ABCC8: variants seen among roughly 807,000 people sequenced by gnomAD.
The protein encoded by ABCC8 is ATP-binding cassette sub-family C member 8.
ABCC8 carries 137 observed loss-of-function variants against 188.0 expected under a neutral mutation model. That is an observed-to-expected ratio of 0.73 (90% CI 0.63 to 0.84). The LOEUF (loss-of-function observed/expected upper bound fraction) is 0.84, where lower values mean the gene tolerates loss of function less well. Ranked by LOEUF, ABCC8 falls within the 40% of genes least tolerant of loss-of-function variation. The pLI is 0.00. For missense variants in ABCC8, 1,750 were observed against 2,072.7 expected (o/e 0.84, Z 3.02); for synonymous variants, 797 against 846.5 (o/e 0.94, Z 1.01).
rs7933498 is a variant in ABCC8, at chr11:17,425,560, A to T, written c.2222+1489T>A. Among the ~76,000 whole-genome samples the T allele has an allele frequency of 5.9e-5, 9 of 151,970 alleles. 1 individual carries two copies. In the East Asian group the frequency reaches 7.7e-4, roughly 13 times the overall value. On this transcript the variant is annotated intron_variant, in intron 16 of 38. Coordinates refer to ENST00000389817, the MANE Select transcript of ABCC8 (RefSeq NM_000352.6). ...GATCCCTTTTTCCCTTGGCTACCAG[A>T]GGGCACAGAGCCAGGTTTTATGTTG...
At chr11:17,410,484 C>T (rs748729815) in intron 22 of ABCC8, 32 bp downstream of exon 22, 2 of 1,612,764 alleles carry the variant, frequency 1.2e-6, no homozygotes, top group Admixed American at 3.3e-5. Flanking sequence ...CAGCCCTGCC[C>T]CCTATAGCCT....
At chr11:17,415,223 CA>C in intron 18 of ABCC8, 80 bp downstream of exon 18, 1 of 1,551,626 alleles carries the variant, frequency 6.4e-7, no homozygotes, top group Non-Finnish European at 8.7e-7. Flanking sequence ...GGCTGCCCAG[CA>C]GGGTGATGTG....
chr11:17,414,054 A>G (rs1306548473), intron 19 of ABCC8, among the ~76,000 whole-genome samples: 1 of 152,126 alleles, frequency 6.6e-6, no homozygotes, highest in South Asian at 2.1e-4. Flanking sequence ...TCATCTGTAG[A>G]GTGGGAATAA....
At chr11:17,446,317 G>A (rs1208933012) in intron 8 of ABCC8, among the ~76,000 whole-genome samples, 2 of 152,092 alleles carry the variant, frequency 1.3e-5, no homozygotes, top group Non-Finnish European at 2.9e-5. Flanking sequence ...AAAGTGTCTT[G>A]TAGCCTTTTG....
At chr11:17,423,186 G>A (rs930747109) in intron 16 of ABCC8, among the ~76,000 whole-genome samples, 2 of 151,540 alleles carry the variant, frequency 1.3e-5, no homozygotes, top group African/African-American at 2.4e-5. Flanking sequence ...GTGAAACCCC[G>A]TCTCTACTAA....
In ABCC8 at chr11:17,463,583, A is replaced by G. The variant is rs1591896742; in HGVS notation, c.434T>C (p.Leu145Pro). ...LLIALLVYWT[L>P]AFITKTIKFV... ...CTTGATGGTCTTGGTGATGAAGGCCAGGGTCCAATACACCAGCAGGGCTGC... is the reference window on the plus strand; with the variant it reads ...CTTGATGGTCTTGGTGATGAAGGCCGGGGTCCAATACACCAGCAGGGCTGC... The change falls in exon 4 of 39, where the codon CTG becomes CCG. Residue 145 changes from leucine to proline, a missense_variant. Leu to Pro is a moderately conservative substitution (Grantham distance 98). Coordinates refer to ENST00000389817, the MANE Select transcript of ABCC8 (RefSeq NM_000352.6). 1 of 1,586,076 alleles carries G rather than the reference A, an allele frequency of 6.3e-7. No individual in the cohort carries two copies. Among genetic ancestry groups the G allele is most frequent in the Non-Finnish European group, 8.6e-7 (1 of 1,165,706 alleles).
Position 17,427,223 on chromosome 11 carries a change from C to G in ABCC8, c.2117-69G>C, listed in dbSNP as rs1955623451. On this transcript the variant is annotated intron_variant, in intron 15 of 38. Coordinates refer to ENST00000389817, the MANE Select transcript of ABCC8 (RefSeq NM_000352.6). This position sits in a 1 kb window ranked among gnomAD's most constrained non-coding sequence, Gnocchi z 5.0. ...TCTGAACAACCATTACCCAGAAAGA[C>G]AGACAGACAGATGCACCCAACCCTG... is the stretch of plus-strand genomic sequence containing the variant. 1.4e-6 allele frequency: 2 copies of G among 1,480,074 alleles called. No individual in the cohort carries two copies. Among genetic ancestry groups the G allele is most frequent in the Admixed American group, 4.4e-5 (2 of 45,702 alleles). 91.7% of individuals were successfully genotyped at this position (1,480,074 alleles called of 1,614,324 possible). A position where few individuals can be genotyped will look rare whatever the true frequency, so the allele number is the denominator to read the frequency against.
At chr11:17,463,029 G>A (rs1591894112) in intron 4 of ABCC8, among the ~76,000 whole-genome samples, 2 of 152,266 alleles carry the variant, frequency 1.3e-5, no homozygotes, top group Middle Eastern at 3.4e-3. Flanking sequence ...GGAAGAGAGA[G>A]GGAGGCGGGA....
chr11:17,407,419 G>A lies in ABCC8; in HGVS notation c.2855C>T (p.Pro952Leu). The change falls in exon 24 of 39, where the codon CCC (proline) becomes CTC (leucine). Residue 952 changes from proline (P) to leucine (L), a missense_variant. Transcript: ENST00000389817. ...GGACATGGCACGAGATAGGCCCTGG[G>A]GTGGCTCTGTGGCTTTTCTCTCTGT... is the stretch of plus-strand genomic sequence containing the variant. Reference protein sequence around the residue: ...TVTERKATEPPQGLSRAMSSR... With the variant: ...TVTERKATEPLQGLSRAMSSR... 1 of 1,614,120 alleles carries A rather than the reference G, an allele frequency of 6.2e-7. No individual in the cohort carries two copies. The highest frequency in any genetic ancestry group is 1.1e-5 in the South Asian group (1 of 91,070).
chr11:17,460,360 T>C (rs932139004), intron 6 of ABCC8, 128 bp downstream of exon 6: 11 of 1,427,460 alleles, frequency 7.7e-6, no homozygotes, highest in Non-Finnish European at 9.8e-6. Context: ...GATACTGCTA[T>C]GGGCTTTGCG....
chr11:17,470,251 T>C (rs1427886782), intron 2 of ABCC8, 29 bp from the exon 3 acceptor site: 2 of 1,613,590 alleles, frequency 1.2e-6, no homozygotes, highest in African/African-American at 1.3e-5. Flanking sequence ...ACAGACAGGA[T>C]GGGGACATGC....
chr11:17,433,738 A>G (rs1955954534), intron 10 of ABCC8, among the ~76,000 whole-genome samples: 1 of 152,218 alleles, frequency 6.6e-6, no homozygotes, highest in Non-Finnish European at 1.5e-5. Flanking sequence ...GGCTCCTGCA[A>G]TTGGAGAGGT....
downstream of ABCC8, chr11:17,392,725 A>C: frequency 5.8e-6 from 3 of 518,488 alleles, no homozygotes; most frequent in South Asian, 6.0e-5. Flanking sequence ...AGTCTGTGAT[A>C]TGTTGTTGTG....
At chr11:17,428,446 C>G (rs1401732543) in intron 13 of ABCC8, 41 bp from the exon 14 acceptor site, 1 of 1,607,114 alleles carries the variant, frequency 6.2e-7, no homozygotes, top group African/African-American at 1.3e-5. Context: ...GGGCTGGGAG[C>G]TGTGTAGGGA....
At chr11:17,401,710 C>T (rs1954254108) in intron 29 of ABCC8, among the ~76,000 whole-genome samples, 1 of 152,154 alleles carries the variant, frequency 6.6e-6, no homozygotes, top group Non-Finnish European at 1.5e-5. Flanking sequence ...CTCTGGCCTG[C>T]CTGACTGGAA....
At chr11:17,449,967 A>C (rs1477561080) in intron 7 of ABCC8, among the ~76,000 whole-genome samples, 1 of 152,248 alleles carries the variant, frequency 6.6e-6, no homozygotes, top group African/African-American at 2.4e-5. Flanking sequence ...TGAGACTTCA[A>C]AAGATAATCA....
chr11:17,452,553 T>C (rs959627836), intron 7 of ABCC8, among the ~76,000 whole-genome samples: 4 of 152,240 alleles, frequency 2.6e-5, no homozygotes, highest in African/African-American at 9.6e-5. Context: ...GAGAGTCTAA[T>C]GTAGCCGCTG....
intron 8 of ABCC8, among the ~76,000 whole-genome samples, chr11:17,447,065 G>T (rs7932043): frequency 0.59 from 89,043 of 152,058 alleles, 27,831 homozygotes; most frequent in African/African-American, 0.8. Flanking sequence ...AGGGTGGGCA[G>T]CCTCCCCATT....
intron 3 of ABCC8, among the ~76,000 whole-genome samples, chr11:17,464,042 A>G (rs1847997142): frequency 6.6e-6 from 1 of 152,216 alleles, no homozygotes; most frequent in Admixed American, 6.5e-5. Flanking sequence ...AAGGTTAGGT[A>G]ACAGATCCAA....
Sources: allele counts gnomAD v4.1 joint callset (sites outside exome capture counted in the v4.1 genomes callset), GRCh38; gene constraint gnomAD v4.1.1; non-coding constraint Gnocchi (gnomAD v3.1); transcripts MANE v1.5; gene names NCBI Gene and HGNC (gene_info 2026-07-23, HGNC 2026-07-21).